The following SNAP91 variants were observed in gnomAD, a reference collection of about 807,000 sequenced individuals.
SNAP91 encodes synaptosome associated protein 91, also known as clathrin coat assembly protein AP180.
A neutral mutation model predicts 100.3 loss-of-function variants in SNAP91; 27 were observed. The observed-to-expected ratio is 0.27, with a 90% CI of 0.20 to 0.37. The LOEUF is 0.37. Among genes scored for constraint, SNAP91 ranks in the 10% least tolerant of loss-of-function variants. The pLI is 1.00. For synonymous variants in SNAP91, 404 were observed against 398.6 expected, an observed-to-expected ratio of 1.01 and a Z score of -0.16; for missense variants, 986 against 1,123.7, an observed-to-expected ratio of 0.88 and a Z score of 1.75.
rs79967820 is a variant in SNAP91, at chr6:83,633,968, G to A, written c.765+7128C>T. ...GAACTGTTGTGGGTGGGGGGAGGGC[G>A]GAGGGATACCACTAGGAGATATACC... On this transcript the variant is annotated intron_variant, in intron 8 of 29. Coordinates refer to ENST00000369694, the MANE Select transcript of SNAP91 (RefSeq NM_001242792.2). 3.1e-3 allele frequency among the ~76,000 whole-genome samples: 465 copies of A among 151,972 alleles called. 3 individuals are homozygous for A. Among genetic ancestry groups the A allele is most frequent in the African/African-American group, 0.01 (419 of 41,446 alleles).
intron 12 of SNAP91, 120 bp from the exon 13 acceptor site, chr6:83,607,928 T>C (rs1386145269): frequency 4.5e-6 from 2 of 442,218 alleles, no homozygotes; most frequent in Non-Finnish European, 4.0e-6. Flanking sequence ...TAATTCTTTG[T>C]GGAGGAAAAA....
At chr6:83,582,968 G>T (rs1404693475) in intron 22 of SNAP91, among the ~76,000 whole-genome samples, 1 of 152,112 alleles carries the variant, frequency 6.6e-6, no homozygotes, top group East Asian at 1.9e-4. Context: ...CTTTCCAAGT[G>T]GAAAATGTTG....
At chr6:83,609,053 A>G (rs1198757651) in intron 12 of SNAP91, among the ~76,000 whole-genome samples, 3 of 152,224 alleles carry the variant, frequency 2.0e-5, no homozygotes, top group Admixed American at 6.5e-5. Flanking sequence ...AGTTTAGAAA[A>G]AATGATATTG....
chr6:83,595,260 AAG>A (rs1391198208), intron 16 of SNAP91, among the ~76,000 whole-genome samples: 1 of 152,216 alleles, frequency 6.6e-6, no homozygotes, highest in Non-Finnish European at 1.5e-5. Context: ...TAAAGACATA[AAG>A]AGATAAAAAT....
intron 14 of SNAP91, among the ~76,000 whole-genome samples, chr6:83,604,566 C>T (rs557585750): frequency 1.3e-4 from 20 of 152,246 alleles, no homozygotes; most frequent in African/African-American, 4.8e-4. Context: ...TACTGACACA[C>T]TGTTTAACAA....
chr6:83,706,378 T>A (rs1225146519), intron 2 of SNAP91, among the ~76,000 whole-genome samples: 5 of 152,252 alleles, frequency 3.3e-5, no homozygotes, highest in Admixed American at 3.3e-4. Flanking sequence ...AATTTACAAT[T>A]TCTACTTCTC....
At chr6:83,706,306 G>A (rs889181398) in intron 2 of SNAP91, among the ~76,000 whole-genome samples, 10 of 152,170 alleles carry the variant, frequency 6.6e-5, no homozygotes, top group African/African-American at 2.4e-4. Context: ...TCCAGAGTTG[G>A]GGAAACTGAT....
chr6:83,576,637 A>C (rs892807779), intron 24 of SNAP91, among the ~76,000 whole-genome samples: 9 of 152,108 alleles, frequency 5.9e-5, no homozygotes, highest in African/African-American at 2.2e-4. Context: ...TCCTCAAGGG[A>C]GAGACATAGC....
intron 26 of SNAP91, among the ~76,000 whole-genome samples, chr6:83,565,967 T>C (rs1796001103): frequency 6.6e-6 from 1 of 152,066 alleles, no homozygotes; most frequent in Non-Finnish European, 1.5e-5. Context: ...ATATTCCAAA[T>C]AGAACTGAGG....
At chr6:83,706,366 C>T (rs2099384051) in intron 2 of SNAP91, among the ~76,000 whole-genome samples, 5 of 152,218 alleles carry the variant, frequency 3.3e-5, no homozygotes, top group Admixed American at 3.3e-4. Flanking sequence ...GATCTGGTCA[C>T]AAATTTACAA....
intron 2 of SNAP91, among the ~76,000 whole-genome samples, chr6:83,688,791 C>T (rs970687252): frequency 6.6e-6 from 1 of 152,294 alleles, no homozygotes; most frequent in Non-Finnish European, 1.5e-5. Context: ...TCTAAAAAGC[C>T]TTTCCTGACT....
chr6:83,603,886 T>TA (rs1447874898), intron 14 of SNAP91, among the ~76,000 whole-genome samples: 1 of 152,210 alleles, frequency 6.6e-6, no homozygotes, highest in Non-Finnish European at 1.5e-5. Context: ...CATCAATAGT[T>TA]ACATATTTCT....
chr6:83,572,724 C>T (rs947019178), intron 26 of SNAP91, among the ~76,000 whole-genome samples: 4 of 152,192 alleles, frequency 2.6e-5, no homozygotes, highest in Admixed American at 6.5e-5. Context: ...GGCAACATCA[C>T]GAAAGTATAA....
intron 2 of SNAP91, among the ~76,000 whole-genome samples, chr6:83,671,710 T>C (rs1226586732): frequency 6.6e-6 from 1 of 152,008 alleles, no homozygotes; most frequent in African/African-American, 2.4e-5. Flanking sequence ...GAAAGACAAC[T>C]TTAACTTTCA....
At chr6:83,582,772 A>G (rs1328747295) in intron 22 of SNAP91, among the ~76,000 whole-genome samples, 1 of 152,216 alleles carries the variant, frequency 6.6e-6, no homozygotes, top group Non-Finnish European at 1.5e-5. Flanking sequence ...ATGCAAAACA[A>G]ATCATAAAAA....
At chr6:83,633,986 G>T (rs1406173265) in intron 8 of SNAP91, among the ~76,000 whole-genome samples, 1 of 152,070 alleles carries the variant, frequency 6.6e-6, no homozygotes, top group African/African-American at 2.4e-5. Context: ...ACCACTAGGA[G>T]ATATACCTAA....
chr6:83,637,976 G>A (rs1171744932), intron 8 of SNAP91, among the ~76,000 whole-genome samples: 2 of 152,200 alleles, frequency 1.3e-5, no homozygotes, highest in Non-Finnish European at 2.9e-5. Flanking sequence ...CTCAGGTAGG[G>A]AAGCGCGGGG....
chr6:83,643,808 A>C (rs2097803767), intron 7 of SNAP91, among the ~76,000 whole-genome samples: 2 of 152,138 alleles, frequency 1.3e-5, no homozygotes. Flanking sequence ...TATTTAAGGG[A>C]AGCAAAAAGA....
intron 25 of SNAP91, among the ~76,000 whole-genome samples, 181 bp downstream of exon 25, chr6:83,575,842 G>A (rs1817838652): frequency 1.3e-5 from 2 of 152,110 alleles, no homozygotes; most frequent in Non-Finnish European, 2.9e-5. Flanking sequence ...CAAAGCAACA[G>A]TTTGGAGCTT....
Sources: allele counts gnomAD v4.1 joint callset (sites outside exome capture counted in the v4.1 genomes callset), GRCh38; gene constraint gnomAD v4.1.1; transcripts MANE v1.5; gene names NCBI Gene and HGNC (gene_info 2026-07-23, HGNC 2026-07-21).